ATP2B2: variants seen among roughly 807,000 people sequenced by gnomAD.
ATP2B2 encodes plasma membrane calcium-transporting ATPase 2.
A neutral mutation model predicts 120.0 loss-of-function variants in ATP2B2; 15 were observed. That is an observed-to-expected ratio of 0.12 (90% CI 0.08 to 0.19). The LOEUF (loss-of-function observed/expected upper bound fraction) is 0.19. Ranked by LOEUF, ATP2B2 falls within the 10% of genes least tolerant of loss-of-function variation. The probability of loss-of-function intolerance (pLI) is 1.00; values close to 1 mark genes in which losing one functional copy is unlikely to be tolerated. For missense variants in ATP2B2, 1,045 were observed against 1,719.8 expected, an observed-to-expected ratio of 0.61 and a Z score of 6.94; for synonymous variants, 694 against 700.3, an observed-to-expected ratio of 0.99 and a Z score of 0.14.
In ATP2B2 at chr3:10,348,365, G is replaced by A. The variant is rs548568331; in HGVS notation, c.2404+1747C>T. On this transcript the variant is annotated intron_variant, in intron 16 of 22. Transcript: ENST00000360273. ...CTACAGGTCCCTCCACTGCCAGGCC[G>A]TGCTCTGCACTGCAGGGTAAGTTTT... 3.3e-5 allele frequency among the ~76,000 whole-genome samples: 5 copies of A among 152,288 alleles called. No homozygotes were observed. The South Asian group carries it at 1.0e-3, about 32-fold the overall frequency.
intron 2 of ATP2B2, among the ~76,000 whole-genome samples, chr3:10,617,287 C>T (rs2069415181): frequency 6.6e-6 from 1 of 152,192 alleles, no homozygotes; most frequent in Non-Finnish European, 1.5e-5. Context: ...TTATGCCACT[C>T]TCAGGGGTAT....
At chr3:10,466,134 T>A (rs76638493) in intron 1 of ATP2B2, among the ~76,000 whole-genome samples, 4 of 152,240 alleles carry the variant, frequency 2.6e-5, no homozygotes, top group Non-Finnish European at 5.9e-5. Flanking sequence ...GAGTTCACTC[T>A]CTTTGTCCAG....
chr3:10,346,150 G>A lies in ATP2B2; in HGVS notation c.2405-13C>T, dbSNP rs1193375971. 2.5e-6 allele frequency: 4 copies of A among 1,608,480 alleles called. No individual in the cohort carries two copies. The highest frequency in any genetic ancestry group is 2.5e-6 in the Non-Finnish European group (3 of 1,179,798). On this transcript the variant is annotated splice_polypyrimidine_tract_variant and intron_variant, in intron 16 of 22. Transcript: ENST00000360273. This position sits in a 1 kb window ranked among gnomAD's most constrained non-coding sequence, Gnocchi z 4.1. ...CTGTCGATGATGCCTGTTGGGGCAG[G>A]AGTGTGCTCAGGCCCTGGGCCACTC...
At chr3:10,352,486 T>C (rs542205173) in intron 14 of ATP2B2, among the ~76,000 whole-genome samples, 40 of 152,330 alleles carry the variant, frequency 2.6e-4, no homozygotes, top group African/African-American at 9.1e-4. Flanking sequence ...ACTGGAGTTG[T>C]CTAAGAGACC....
At chr3:10,579,732 C>T (rs545201969) in intron 2 of ATP2B2, among the ~76,000 whole-genome samples, 1 of 152,302 alleles carries the variant, frequency 6.6e-6, no homozygotes, top group Non-Finnish European at 1.5e-5. Context: ...ATCACTTGAA[C>T]CTGGCAGGCA....
At chr3:10,487,462 A>G (rs1231165187) in intron 1 of ATP2B2, among the ~76,000 whole-genome samples, 1 of 152,226 alleles carries the variant, frequency 6.6e-6, no homozygotes, top group Non-Finnish European at 1.5e-5. Flanking sequence ...GTGGGAAGTC[A>G]AGGTCACTGG....
chr3:10,346,001 C>A lies in ATP2B2; in HGVS notation c.2511+30G>T. ...GTAGTCCAATCTCCCCAGCCCCCAC[C>A]ACCCCAGGCCCTCTGTGGGCCGTTC... On this transcript the variant is annotated intron_variant, in intron 17 of 22. Transcript: ENST00000360273. This position sits in a 1 kb window ranked among gnomAD's most constrained non-coding sequence, Gnocchi z 4.1. 1 of 1,592,758 alleles carries A rather than the reference C, an allele frequency of 6.3e-7. No homozygotes were observed. Among genetic ancestry groups the A allele is most frequent in the Non-Finnish European group, 8.5e-7 (1 of 1,171,056 alleles).
In ATP2B2 at chr3:10,342,762, C is replaced by A. The variant is rs1394517136; in HGVS notation, c.2907G>T (p.Leu969=). 6.2e-7 allele frequency: 1 copy of A among 1,614,124 alleles called. No individual in the cohort carries two copies. The highest frequency in any genetic ancestry group is 1.1e-5 in the South Asian group (1 of 91,082). Reference sequence around the variant, plus strand: ...GGGCGAGGCGCTCACCAACAAAGAGCAGGGTGAAGATGAGGGCAAGCTGGT... The same window carrying A: ...GGGCGAGGCGCTCACCAACAAAGAGAAGGGTGAAGATGAGGGCAAGCTGGT... The part of the protein sequence containing the change: ...AVYQLALIFT[L]LFVGEKMFQI... Residue 969 remains leucine, a synonymous_variant, in exon 19 of 23, where the codon CTG becomes CTT. Transcript: ENST00000360273. The surrounding 1 kb of genome is among the most constrained non-coding windows in gnomAD (Gnocchi z 4.4).
At chr3:10,372,261 A>G (rs1181686726) in intron 11 of ATP2B2, among the ~76,000 whole-genome samples, 1 of 152,146 alleles carries the variant, frequency 6.6e-6, no homozygotes, top group Non-Finnish European at 1.5e-5. Flanking sequence ...TTTCTCTGTT[A>G]GTATCTGAAC....
At chr3:10,634,420 C>G (rs2069962182) in intron 1 of ATP2B2, among the ~76,000 whole-genome samples, 1 of 152,168 alleles carries the variant, frequency 6.6e-6, no homozygotes, top group African/African-American at 2.4e-5. Context: ...TGGAGACATC[C>G]CCAGGGGTGG....
chr3:10,706,584 A>C (rs560742035), intron 1 of ATP2B2, among the ~76,000 whole-genome samples: 1 of 152,322 alleles, frequency 6.6e-6, no homozygotes, highest in South Asian at 2.1e-4. Flanking sequence ...CACACAGAGA[A>C]GAGGAAGGCC....
rs1042210353 is a variant in ATP2B2 at position 10,340,091 on chromosome 3, C to T, written c.3237+151G>A. The T allele has an allele frequency of 2.7e-6, 2 of 749,502 alleles. No homozygotes were observed. The highest frequency in any genetic ancestry group is 2.0e-5 in the Admixed American group (1 of 49,474). 46.4% of individuals were successfully genotyped at this position (749,502 alleles called of 1,614,324 possible). A position where few individuals can be genotyped will look rare whatever the true frequency, so the allele number is the denominator to read the frequency against. ...AGTACCCAGACGACCAGTATAGGAC[C>T]TGGGACAAACCCCCTTGCTCAGATG... On this transcript the variant is annotated intron_variant, in intron 21 of 22. Coordinates refer to ENST00000360273, the MANE Select transcript of ATP2B2 (RefSeq NM_001001331.4). This position sits in a 1 kb window ranked among gnomAD's most constrained non-coding sequence, Gnocchi z 5.0.
At chr3:10,360,197 G>C in intron 12 of ATP2B2, 74 bp from the exon 13 acceptor site, 1 of 1,514,544 alleles carries the variant, frequency 6.6e-7, no homozygotes, top group Non-Finnish European at 8.8e-7. Context: ...CTGCCACTGA[G>C]GCTCTGGGAC....
At chr3:10,544,624 T>G (rs938552903) in intron 2 of ATP2B2, among the ~76,000 whole-genome samples, 1 of 152,164 alleles carries the variant, frequency 6.6e-6, no homozygotes, top group Non-Finnish European at 1.5e-5. Flanking sequence ...TGAAGAGGTG[T>G]GTGGATCAGG....
chr3:10,596,365 TC>T (rs1345499249), intron 2 of ATP2B2, among the ~76,000 whole-genome samples: 1 of 152,250 alleles, frequency 6.6e-6, no homozygotes, highest in Non-Finnish European at 1.5e-5. Context: ...CTTTCCAGCA[TC>T]ATGTGCAGTG....
chr3:10,402,420 A>C lies in ATP2B2; in HGVS notation c.398-72T>G. 1.9e-6 allele frequency: 3 copies of C among 1,589,968 alleles called. No individual in the cohort carries two copies. The highest frequency in any genetic ancestry group is 1.7e-6 in the Non-Finnish European group (2 of 1,167,474). ...AGAGGCCTCATGGGCCTGGATTTAC[A>C]GCTCAGCTCTGCAAAGTAACAAGTG... On this transcript the variant is annotated intron_variant, in intron 3 of 22. Coordinates refer to ENST00000360273, the MANE Select transcript of ATP2B2 (RefSeq NM_001001331.4). The surrounding 1 kb of genome is among the most constrained non-coding windows in gnomAD (Gnocchi z 4.9).
chr3:10,518,627 C>T (rs917306444), intron 3 of ATP2B2, among the ~76,000 whole-genome samples: 2 of 152,254 alleles, frequency 1.3e-5, no homozygotes, highest in South Asian at 2.1e-4. Context: ...CCGCTGCGGC[C>T]GTGCTGACCT....
intron 3 of ATP2B2, among the ~76,000 whole-genome samples, chr3:10,528,658 G>A (rs2067148822): frequency 6.6e-6 from 1 of 150,450 alleles, no homozygotes. Context: ...ACACACCCCT[G>A]AATATATTTT....
chr3:10,553,892 T>G (rs1015189204), intron 2 of ATP2B2, among the ~76,000 whole-genome samples: 4 of 151,842 alleles, frequency 2.6e-5, no homozygotes, highest in African/African-American at 9.7e-5. Flanking sequence ...TCAATAGGCA[T>G]CCTTGAGTGA....
Sources: gnomAD v4.1 joint callset for allele counts (sites outside exome capture counted in the v4.1 genomes callset) on GRCh38, gnomAD v4.1.1 for gene constraint, Gnocchi (gnomAD v3.1) non-coding constraint, MANE v1.5 for transcripts, NCBI Gene and HGNC (gene_info 2026-07-23, HGNC 2026-07-21) for gene names.